EPG5: variants seen among roughly 807,000 people sequenced by gnomAD.
EPG5 encodes ectopic P granules protein 5 homolog.
A neutral mutation model predicts 302.7 loss-of-function variants in EPG5; 159 were observed. The observed-to-expected ratio is 0.53, with a 90% CI of 0.46 to 0.60. The LOEUF (loss-of-function observed/expected upper bound fraction) is 0.60, where lower values mean the gene tolerates loss of function less well. EPG5 is among the 20% of genes least tolerant of loss of function. EPG5 has a pLI of 0.00. For synonymous variants in EPG5, 1,158 were observed against 1,136.8 expected (o/e 1.02, Z -0.37); for missense variants, 2,896 against 3,092.4 (o/e 0.94, Z 1.51).
At chr18:45,829,551 A>G in the EPG5 span, among the ~76,000 whole-genome samples, 2 of 152,098 alleles carry the variant, frequency 1.3e-5, no homozygotes, top group Admixed American at 6.5e-5. Context: ...AGCCAATGGG[A>G]GTGTCTCTCC....
intron 10 of EPG5, among the ~76,000 whole-genome samples, chr18:45,935,818 CAT>C (rs1441140041): frequency 6.6e-6 from 1 of 152,192 alleles, no homozygotes; most frequent in Non-Finnish European, 1.5e-5. Flanking sequence ...GGCTCTGAAT[CAT>C]ATTTCCAACC....
At chr18:45,854,395 AAGC>A (rs1318958988) in intron 43 of EPG5, among the ~76,000 whole-genome samples, 1 of 152,220 alleles carries the variant, frequency 6.6e-6, no homozygotes, top group Non-Finnish European at 1.5e-5. Flanking sequence ...TAAGGTGTTC[AAGC>A]TCTGAGCACT....
intron 16 of EPG5, among the ~76,000 whole-genome samples, chr18:45,919,974 T>G (rs966779617): frequency 1.3e-5 from 2 of 152,218 alleles, no homozygotes; most frequent in African/African-American, 4.8e-5. Flanking sequence ...TCAGGTCTCC[T>G]CTTTTCTAAA....
At chr18:45,918,651 G>A (rs151091753) in intron 16 of EPG5, among the ~76,000 whole-genome samples, 1 of 152,136 alleles carries the variant, frequency 6.6e-6, no homozygotes, top group East Asian at 1.9e-4. Context: ...ATGACTTAAG[G>A]CAATTTTAGA....
Position 45,882,484 on chromosome 18 carries a change from C to A in EPG5, c.5308G>T (p.Asp1770Tyr). The A allele has an allele frequency of 3.1e-6, 5 of 1,595,416 alleles. No homozygotes were observed. Among genetic ancestry groups the A allele is most frequent in the South Asian group, 2.3e-5 (2 of 87,638 alleles). ...GTGGCGCTTAACCATTGTTTAAGAT[C>A]GAACTAAAAAGAAAAAGAAACAAAA... ...DMIFMLLTKF[D>Y]LKQWLSATKP... Residue 1770 changes from aspartate to tyrosine, a missense_variant, in exon 31 of 44, where the codon GAT becomes TAT. Around this residue, in one of 5 missense-constraint regions of EPG5, gnomAD observed 790 missense variants for 798.0 expected, o/e 0.99. Transcript: ENST00000282041.
intron 25 of EPG5, among the ~76,000 whole-genome samples, chr18:45,903,406 G>A (rs1395618451): frequency 2.0e-5 from 3 of 152,076 alleles, no homozygotes; most frequent in Non-Finnish European, 2.9e-5. Context: ...TACAACTAAC[G>A]CGTTTTGGTT....
intron 35 of EPG5, among the ~76,000 whole-genome samples, chr18:45,871,364 G>A (rs1386167011): frequency 6.6e-6 from 1 of 152,132 alleles, no homozygotes; most frequent in Non-Finnish European, 1.5e-5. Context: ...TATGGAAAAA[G>A]GCATGGAGGT....
Position 45,850,138 on chromosome 18 carries a change from T to C in EPG5, c.*2329A>G, listed in dbSNP as rs1034764064. On this transcript the variant is annotated 3_prime_UTR_variant, in exon 44 of 44. Coordinates refer to ENST00000282041, the MANE Select transcript of EPG5 (RefSeq NM_020964.3). ...TCTTTATTTGGTCCCGATGCCACTGTTGGCCACCCTGTGGTGAAGTCTGGA... is the reference window on the plus strand; with the variant it reads ...TCTTTATTTGGTCCCGATGCCACTGCTGGCCACCCTGTGGTGAAGTCTGGA... The C allele has an allele frequency of 2.6e-5, 4 of 152,318 alleles. No individual in the cohort carries two copies. The highest frequency in any genetic ancestry group is 5.9e-5 in the Non-Finnish European group (4 of 68,118). The allele number at this position is 152,318 out of a possible 1,614,324, so 9.4% of individuals were successfully genotyped here.
the EPG5 span, among the ~76,000 whole-genome samples, chr18:45,832,503 C>T: frequency 1.6e-4 from 25 of 152,142 alleles, no homozygotes; most frequent in East Asian, 2.9e-3. Flanking sequence ...AGATTGGGTG[C>T]TTGATAAAAG....
At chr18:45,928,817 C>T (rs2050333363) in intron 13 of EPG5, 52 bp downstream of exon 13, 2 of 1,567,776 alleles carry the variant, frequency 1.3e-6, no homozygotes, top group African/African-American at 1.4e-5. Context: ...TGCCAATGTT[C>T]CATTACTCCA....
the EPG5 span, among the ~76,000 whole-genome samples, chr18:45,825,167 GGAGGGAGGAAGAGAGGGAGGGAGA>G: frequency 3.1e-3 from 397 of 127,284 alleles, 1 homozygote; most frequent in African/African-American, 4.4e-3. Context: ...AGGGAGGGAG[GGAGGGAGGAAGAGAGGGAGGGAGA>G]GAGGGAGGAA....
the EPG5 span, among the ~76,000 whole-genome samples, chr18:45,830,329 G>A: frequency 6.6e-6 from 1 of 152,222 alleles, no homozygotes; most frequent in Non-Finnish European, 1.5e-5. Context: ...CACAGGTGTG[G>A]GGCTTTGGGA....
chr18:45,950,718 T>C (rs1205065940), intron 4 of EPG5, among the ~76,000 whole-genome samples: 1 of 152,244 alleles, frequency 6.6e-6, no homozygotes, highest in Non-Finnish European at 1.5e-5. Context: ...AATTTTCCAC[T>C]TGTGGCATCG....
At chr18:45,870,543 C>T (rs370844881) in intron 36 of EPG5, 24 bp downstream of exon 36, 32 of 1,605,242 alleles carry the variant, frequency 2.0e-5, no homozygotes, top group South Asian at 3.3e-5. Flanking sequence ...CTCTAGGCTG[C>T]GATGCCGGGA....
the EPG5 span, among the ~76,000 whole-genome samples, chr18:45,812,764 T>C: frequency 6.6e-6 from 1 of 152,168 alleles, no homozygotes; most frequent in Non-Finnish European, 1.5e-5. Context: ...ATGCAAAAAT[T>C]AATTCAAGAT....
rs2048601365 is a variant in EPG5, at chr18:45,860,102, ACTTTCTTTGAAG to A, written c.6999_7009+1del. On this transcript the variant is annotated splice_donor_variant and coding_sequence_variant, in exon 40 of 44. Coordinates refer to ENST00000282041, the MANE Select transcript of EPG5 (RefSeq NM_020964.3). LOFTEE classifies it high-confidence loss of function. ...ATGGAGCGTAAGATGACCTCCTCTT[ACTTTCTTTGAAG>A]TAGGCAGTGATGCAGGCTTCTGTAG... The A allele has an allele frequency of 6.2e-7, 1 of 1,614,032 alleles. No individual in the cohort carries two copies. Among genetic ancestry groups the A allele is most frequent in the Non-Finnish European group, 8.5e-7 (1 of 1,180,038 alleles).
At chr18:45,876,889 C>T (rs1361482242) in intron 34 of EPG5, among the ~76,000 whole-genome samples, 3 of 151,956 alleles carry the variant, frequency 2.0e-5, no homozygotes, top group African/African-American at 7.2e-5. Flanking sequence ...GTTCAAGCAA[C>T]TCTTCTGCAT....
intron 31 of EPG5, among the ~76,000 whole-genome samples, chr18:45,880,985 G>A (rs2049087211): frequency 6.6e-6 from 1 of 152,128 alleles, no homozygotes; most frequent in African/African-American, 2.4e-5. Context: ...GCTATCACTG[G>A]AAATCACACA....
At chr18:45,953,004 TCTAA>T (rs1382177505) in intron 2 of EPG5, among the ~76,000 whole-genome samples, 1 of 152,002 alleles carries the variant, frequency 6.6e-6, no homozygotes, top group Non-Finnish European at 1.5e-5. Context: ...AAATGCTGTC[TCTAA>T]CTAAAAATAT....
Sources: gnomAD v4.1 joint callset for allele counts (sites outside exome capture counted in the v4.1 genomes callset) on GRCh38, gnomAD v4.1.1 for gene constraint, gnomAD v4.1.1 regional missense constraint, MANE v1.5 for transcripts, NCBI Gene and HGNC (gene_info 2026-07-23, HGNC 2026-07-21) for gene names.